ACTR2: variants seen among roughly 807,000 people sequenced by gnomAD.
The protein encoded by ACTR2 is actin-related protein 2.
ACTR2 carries 5 observed loss-of-function variants against 50.2 expected under a neutral mutation model. The ratio of observed to expected loss-of-function variants is 0.10; its 90% CI spans 0.05 to 0.21. ACTR2 has a LOEUF of 0.21. Ranked by LOEUF, ACTR2 falls within the 10% of genes least tolerant of loss-of-function variation. ACTR2 has a pLI of 1.00. For synonymous variants in ACTR2, 140 were observed against 162.9 expected (o/e 0.86, Z 1.07); for missense variants, 180 against 480.6 (o/e 0.37, Z 5.85).
At chr2:65,235,515 G>C (rs1354279432) in intron 1 of ACTR2, among the ~76,000 whole-genome samples, 1 of 152,188 alleles carries the variant, frequency 6.6e-6, no homozygotes, top group East Asian at 1.9e-4. Context: ...CCAGCACTTT[G>C]AGAGGCTGAG....
intron 8 of ACTR2, 138 bp from the exon 9 acceptor site, chr2:65,268,426 G>A: frequency 1.6e-6 from 1 of 610,794 alleles, no homozygotes; most frequent in Non-Finnish European, 2.5e-6. Flanking sequence ...CTGTACCTCA[G>A]GTACCAAATA....
At chr2:65,236,527 G>T (rs1232836332) in intron 1 of ACTR2, among the ~76,000 whole-genome samples, 1 of 152,080 alleles carries the variant, frequency 6.6e-6, no homozygotes, top group African/African-American at 2.4e-5. Flanking sequence ...AGAGTTTCTT[G>T]TAGATAGTAG....
intron 8 of ACTR2, among the ~76,000 whole-genome samples, chr2:65,267,043 G>A (rs1270753422): frequency 6.6e-6 from 1 of 152,184 alleles, no homozygotes; most frequent in African/African-American, 2.4e-5. Context: ...AAACCTCCAG[G>A]GTTAAGGTAG....
At chr2:65,253,904 ATTTG>A in intron 5 of ACTR2, 40 bp downstream of exon 5, 1 of 1,565,248 alleles carries the variant, frequency 6.4e-7, no homozygotes, top group Non-Finnish European at 8.8e-7. Flanking sequence ...AAATTTTGTA[ATTTG>A]TTTACCACCT....
At chr2:65,246,872 A>G (rs1007561003) in intron 3 of ACTR2, 133 bp downstream of exon 3, 1 of 675,990 alleles carries the variant, frequency 1.5e-6, no homozygotes, top group African/African-American at 1.9e-5. Context: ...AGTATCTACT[A>G]TATGCTAGTC....
chr2:65,228,362 A>G (rs1671569848), intron 1 of ACTR2: 1 of 179,756 alleles, frequency 5.6e-6, no homozygotes. Context: ...AGAAAGACCT[A>G]GAGGCCTTCC....
intron 2 of ACTR2, among the ~76,000 whole-genome samples, chr2:65,245,894 T>C (rs1361245075): frequency 6.6e-6 from 1 of 152,196 alleles, no homozygotes; most frequent in Non-Finnish European, 1.5e-5. Flanking sequence ...TGCCTATATC[T>C]TAATTTTTTA....
chr2:65,251,230 A>G (rs1672043347), intron 4 of ACTR2, 131 bp downstream of exon 4: 2 of 454,748 alleles, frequency 4.4e-6, no homozygotes, highest in Non-Finnish European at 7.8e-6. Flanking sequence ...CCACACTTTG[A>G]AATATTTTCA....
At chr2:65,243,040 G>A (rs1044862735) in intron 2 of ACTR2, among the ~76,000 whole-genome samples, 8 of 152,138 alleles carry the variant, frequency 5.3e-5, no homozygotes, top group Non-Finnish European at 1.0e-4. Flanking sequence ...CAGCACTTTG[G>A]GAGGCCCAGG....
chr2:65,255,823 ACT>A, intron 6 of ACTR2, 129 bp downstream of exon 6: 2 of 643,542 alleles, frequency 3.1e-6, no homozygotes, highest in Non-Finnish European at 4.8e-6. Flanking sequence ...TATATGTGTG[ACT>A]TTTAATGTCT....
Position 65,228,058 on chromosome 2 carries a change from C to T in ACTR2, c.48+101C>T. The stretch of plus-strand genomic sequence containing the variant: ...CCCCAGGGCTGCACCTCCGGGCCCT[C>T]GGGGCGAAGGGGCGCGGGGCGGTGC... On this transcript the variant is annotated intron_variant, in intron 1 of 8. Transcript: ENST00000260641. The T allele has an allele frequency of 5.9e-6, 7 of 1,187,298 alleles. No homozygotes were observed. The South Asian group carries it at 1.2e-4, about 21-fold the overall frequency. The allele number at this position is 1,187,298 out of a possible 1,614,324, so 73.5% of individuals were successfully genotyped here.
chr2:65,247,605 CATAAG>C (rs1671963732), intron 3 of ACTR2, among the ~76,000 whole-genome samples: 1 of 151,970 alleles, frequency 6.6e-6, no homozygotes, highest in African/African-American at 2.4e-5. Flanking sequence ...AATAAAAAAT[CATAAG>C]AGAAAATACA....
intron 4 of ACTR2, 95 bp from the exon 5 acceptor site, chr2:65,253,632 AC>A (rs1672095755): frequency 8.1e-7 from 1 of 1,229,224 alleles, no homozygotes; most frequent in Non-Finnish European, 1.2e-6. Context: ...CTAGTTGGTT[AC>A]GTTTCTGTTT....
Position 65,270,476 on chromosome 2 carries a change from G to A in ACTR2, c.*1742G>A, listed in dbSNP as rs1219179525. 6.5e-6 allele frequency: 1 copy of A among 152,686 alleles called. No homozygotes were observed. Among genetic ancestry groups the A allele is most frequent in the East Asian group, 1.9e-4 (1 of 5,180 alleles). The allele number at this position is 152,686 out of a possible 1,614,324, so 9.5% of individuals were successfully genotyped here. ...CTAGATCTTGGGAACATGGATCTTA[G>A]AGTCACTTTGGAATAAGTTCTTATA... On this transcript the variant is annotated 3_prime_UTR_variant, in exon 9 of 9. Coordinates refer to ENST00000260641, the MANE Select transcript of ACTR2 (RefSeq NM_005722.4).
At chr2:65,242,765 C>T in intron 2 of ACTR2, 1 of 364,264 alleles carries the variant, frequency 2.7e-6, no homozygotes, top group Non-Finnish European at 5.5e-6. Context: ...TTGTATTTTT[C>T]TGTGATAGTC....
At chr2:65,263,262 T>C (rs1672309002) in intron 7 of ACTR2, among the ~76,000 whole-genome samples, 1 of 112,140 alleles carries the variant, frequency 8.9e-6, no homozygotes, top group African/African-American at 3.2e-5. Flanking sequence ...TTTGGAGTTT[T>C]GGGTTTTTTT....
chr2:65,265,501 T>G (rs1381208846), intron 8 of ACTR2, among the ~76,000 whole-genome samples: 1 of 152,226 alleles, frequency 6.6e-6, no homozygotes, highest in African/African-American at 2.4e-5. Flanking sequence ...TTGAGTTTTG[T>G]TCTTTTTTTA....
intron 4 of ACTR2, among the ~76,000 whole-genome samples, chr2:65,253,396 T>C (rs1672088990): frequency 6.6e-6 from 1 of 151,976 alleles, no homozygotes; most frequent in Admixed American, 6.6e-5. Flanking sequence ...TGAGCCTAGA[T>C]TGAGCCACTG....
At chr2:65,253,909 T>A in intron 5 of ACTR2, 45 bp downstream of exon 5, 3 of 1,534,920 alleles carry the variant, frequency 2.0e-6, no homozygotes, top group Non-Finnish European at 2.7e-6. Context: ...TTGTAATTTG[T>A]TTACCACCTT....
Sources: allele counts gnomAD v4.1 joint callset (sites outside exome capture counted in the v4.1 genomes callset), GRCh38; gene constraint gnomAD v4.1.1; transcripts MANE v1.5; gene names NCBI Gene and HGNC (gene_info 2026-07-23, HGNC 2026-07-21).